The following GABRA5 variants were observed in gnomAD, a reference collection of about 807,000 sequenced individuals.
GABRA5 encodes gamma-aminobutyric acid type A receptor subunit alpha5.
Under a neutral mutation model 47.3 loss-of-function variants are expected in GABRA5, and 18 were observed. The observed-to-expected ratio is 0.38, with a 90% confidence interval of 0.26 to 0.56. The LOEUF (loss-of-function observed/expected upper bound fraction) is 0.56, where lower values mean the gene tolerates loss of function less well. Among genes scored for constraint, GABRA5 ranks in the 20% least tolerant of loss-of-function variants. The pLI, the probability that GABRA5 is intolerant of heterozygous loss-of-function variation, is 0.71. For missense variants in GABRA5, 365 were observed against 599.3 expected (o/e 0.61, Z 4.08); for synonymous variants, 237 against 229.3 (o/e 1.03, Z -0.30).
chr15:26,871,690 G>A (rs1013209023), intron 3 of GABRA5, among the ~76,000 whole-genome samples: 1 of 152,108 alleles, frequency 6.6e-6, no homozygotes, highest in Non-Finnish European at 1.5e-5. Context: ...ATCAGGCTGT[G>A]CAGTTTGGTA....
At chr15:26,934,324 T>G (rs1477768530) in intron 7 of GABRA5, among the ~76,000 whole-genome samples, 1 of 151,524 alleles carries the variant, frequency 6.6e-6, no homozygotes, top group East Asian at 1.9e-4. Flanking sequence ...GATATGGGTT[T>G]AGATAACTCA....
chr15:26,891,133 G>C (rs950962282), intron 6 of GABRA5, among the ~76,000 whole-genome samples: 1 of 152,130 alleles, frequency 6.6e-6, no homozygotes, highest in Non-Finnish European at 1.5e-5. Context: ...AGGCAGTTCC[G>C]TCTGGCCAGG....
At chr15:26,922,653 T>A (rs1032520883) in intron 7 of GABRA5, among the ~76,000 whole-genome samples, 5 of 151,220 alleles carry the variant, frequency 3.3e-5, no homozygotes, top group African/African-American at 1.2e-4. Context: ...CTTTTGTCTG[T>A]CTTACTGTGG....
chr15:26,919,444 A>G (rs1650964031), intron 7 of GABRA5, among the ~76,000 whole-genome samples: 3 of 152,150 alleles, frequency 2.0e-5, no homozygotes, highest in Admixed American at 2.0e-4. Flanking sequence ...TAGCTTATAT[A>G]AAATATCTTA....
Position 26,878,668 on chromosome 15 carries a change from A to T in GABRA5, c.87-2178A>T, listed in dbSNP as rs1892655610. ...CCCCATCGTACAAAGAAAGGTCTACAGATAAAGGCAAAAGGCAGTATGGCA... is the reference window on the plus strand; with the variant it reads ...CCCCATCGTACAAAGAAAGGTCTACTGATAAAGGCAAAAGGCAGTATGGCA... On this transcript the variant is annotated intron_variant, in intron 3 of 10. Transcript: ENST00000335625. Among the ~76,000 whole-genome samples the T allele has an allele frequency of 2.6e-5, 4 of 152,342 alleles. No individual in the cohort carries two copies. In the South Asian group the frequency reaches 8.3e-4, roughly 32 times the overall value.
chr15:26,869,389 A>G, intron 3 of GABRA5, 55 bp downstream of exon 3: 1 of 1,085,460 alleles, frequency 9.2e-7, no homozygotes, highest in South Asian at 1.2e-5. Context: ...GGTGCCTTTC[A>G]GACATGTTAC....
chr15:26,902,214 C>G (rs1893344173), intron 6 of GABRA5, among the ~76,000 whole-genome samples: 1 of 152,024 alleles, frequency 6.6e-6, no homozygotes, highest in South Asian at 2.1e-4. Context: ...CATTGCATAG[C>G]ATCTGTAGAT....
intron 7 of GABRA5, among the ~76,000 whole-genome samples, chr15:26,929,907 C>A (rs538277050): frequency 1.6e-4 from 24 of 152,252 alleles, no homozygotes; most frequent in African/African-American, 5.8e-4. Context: ...TCCCGGTATT[C>A]TCTCCCAAAC....
chr15:26,893,178 G>C (rs1361785588), intron 6 of GABRA5, among the ~76,000 whole-genome samples: 1 of 115,742 alleles, frequency 8.6e-6, no homozygotes, highest in Non-Finnish European at 1.9e-5. Flanking sequence ...TGTATGTGGT[G>C]TGTGGTGTGT....
At chr15:26,869,051 C>T (rs951419951) in intron 2 of GABRA5, 124 bp from the exon 3 acceptor site, 1 of 549,602 alleles carries the variant, frequency 1.8e-6, no homozygotes, top group South Asian at 2.4e-5. Context: ...GTGCAGCTGT[C>T]CTGGGGAAGG....
intron 7 of GABRA5, among the ~76,000 whole-genome samples, chr15:26,927,985 A>C (rs1476385850): frequency 6.6e-6 from 1 of 152,258 alleles, no homozygotes; most frequent in East Asian, 1.9e-4. Context: ...GAAATTCCTT[A>C]AAAATAATGG....
At chr15:26,890,426 A>ATTTTTTTTTTTT (rs201726196) in intron 6 of GABRA5, among the ~76,000 whole-genome samples, 136 of 128,574 alleles carry the variant, frequency 1.1e-3, no homozygotes, top group African/African-American at 4.3e-3. Flanking sequence ...AGTCACTTCA[A>ATTTTTTTTTTTT]TTTTTTTTTT....
intron 7 of GABRA5, among the ~76,000 whole-genome samples, chr15:26,936,031 TC>T (rs34412949): frequency 2.6e-5 from 4 of 152,102 alleles, no homozygotes; most frequent in Non-Finnish European, 5.9e-5. Flanking sequence ...TGGGGGCAAT[TC>T]CCCCATGCTG....
intron 8 of GABRA5, among the ~76,000 whole-genome samples, chr15:26,938,543 G>C (rs986257187): frequency 3.9e-5 from 6 of 152,288 alleles, no homozygotes; most frequent in African/African-American, 1.4e-4. Flanking sequence ...AAAATAATTA[G>C]AAGTAGGAGA....
intron 6 of GABRA5, among the ~76,000 whole-genome samples, chr15:26,893,696 G>C (rs1261277316): frequency 6.6e-6 from 1 of 152,054 alleles, no homozygotes; most frequent in Non-Finnish European, 1.5e-5. Flanking sequence ...GGAAACAGGA[G>C]GATCTGGGGG....
intron 7 of GABRA5, among the ~76,000 whole-genome samples, chr15:26,926,001 T>C (rs7163639): frequency 0.81 from 123,746 of 152,140 alleles, 50,571 homozygotes; most frequent in East Asian, 0.91. Flanking sequence ...TGTGGGCCTC[T>C]CTTGTGGTTC....
intron 6 of GABRA5, among the ~76,000 whole-genome samples, chr15:26,885,923 C>T (rs1892867381): frequency 6.6e-6 from 1 of 152,146 alleles, no homozygotes; most frequent in South Asian, 2.1e-4. Context: ...CCTCGTCGGA[C>T]TAGTGTTCTT....
In GABRA5 at chr15:26,948,507, T is replaced by A. The variant is rs939676456; in HGVS notation, c.*274T>A. The A allele has an allele frequency of 7.6e-6, 3 of 393,354 alleles. No homozygotes were observed. Among genetic ancestry groups the A allele is most frequent in the Non-Finnish European group, 1.4e-5 (3 of 219,924 alleles). The allele number at this position is 393,354 out of a possible 1,614,324, so 24.4% of individuals were successfully genotyped here. A position where few individuals can be genotyped will look rare whatever the true frequency, so the allele number is the denominator to read the frequency against. ...TGCCCAGTATCATACGTTGATAGTT[T>A]ACAAACAAGATACGTATATTTTTAA... On this transcript the variant is annotated 3_prime_UTR_variant, in exon 11 of 11. Coordinates refer to ENST00000335625, the MANE Select transcript of GABRA5 (RefSeq NM_000810.4).
At chr15:26,919,848 AG>A (rs1442750688) in intron 7 of GABRA5, among the ~76,000 whole-genome samples, 1 of 151,776 alleles carries the variant, frequency 6.6e-6, no homozygotes, top group East Asian at 1.9e-4. Flanking sequence ...TTTCTGGAAA[AG>A]TTTTTGTCTT....
Sources: allele counts gnomAD v4.1 joint callset (sites outside exome capture counted in the v4.1 genomes callset), GRCh38; gene constraint gnomAD v4.1.1; transcripts MANE v1.5; gene names NCBI Gene and HGNC (gene_info 2026-07-23, HGNC 2026-07-21).